The following LAMC1 variants were observed in gnomAD, a reference collection of about 807,000 sequenced individuals.
LAMC1 encodes laminin subunit gamma 1.
A neutral mutation model predicts 173.6 loss-of-function variants in LAMC1; 38 were observed. The ratio of observed to expected loss-of-function variants is 0.22; its 90% CI spans 0.17 to 0.29. The LOEUF (loss-of-function observed/expected upper bound fraction) is 0.29. LAMC1 is among the 10% of genes least tolerant of loss of function. The pLI, the probability that LAMC1 is intolerant of heterozygous loss-of-function variation, is 1.00. For missense variants in LAMC1, 1,824 were observed against 2,051.8 expected, an observed-to-expected ratio of 0.89 and a Z score of 2.14; for synonymous variants, 746 against 749.1, an observed-to-expected ratio of 1.00 and a Z score of 0.07.
chr1:183,048,747 G>T (rs1258893129), intron 1 of LAMC1, among the ~76,000 whole-genome samples: 1 of 152,088 alleles, frequency 6.6e-6, no homozygotes, highest in African/African-American at 2.4e-5. Flanking sequence ...TATAGTATTG[G>T]GGACATGAGT....
intron 3 of LAMC1, 92 bp from the exon 4 acceptor site, chr1:183,110,396 A>G: frequency 1.0e-6 from 1 of 996,414 alleles, no homozygotes; most frequent in Non-Finnish European, 1.5e-6. Flanking sequence ...TTTGAATGGT[A>G]AAACTTACTT....
chr1:183,023,450 T>G lies in LAMC1; in HGVS notation c.-267T>G. 2 of 176,778 alleles carry G rather than the reference T, an allele frequency of 1.1e-5. No individual in the cohort carries two copies. Among genetic ancestry groups the G allele is most frequent in the East Asian group, 1.6e-4 (1 of 6,286 alleles). 11.0% of individuals were successfully genotyped at this position (176,778 alleles called of 1,614,324 possible). ...CGGGCACGCGCTCGGAAGTCGGGGG[T>G]CGGCGCGGAGTGCAGGCTGCTCCCG... On this transcript the variant is annotated 5_prime_UTR_variant, in exon 1 of 28. Transcript: ENST00000258341.
At chr1:183,070,064 GA>G (rs1654975701) in intron 1 of LAMC1, among the ~76,000 whole-genome samples, 1 of 152,234 alleles carries the variant, frequency 6.6e-6, no homozygotes, top group Non-Finnish European at 1.5e-5. Flanking sequence ...ACAGATGAAT[GA>G]ATGGGCTAGA....
intron 1 of LAMC1, among the ~76,000 whole-genome samples, chr1:183,053,941 T>C (rs570994477): frequency 1.3e-5 from 2 of 152,256 alleles, no homozygotes; most frequent in South Asian, 2.1e-4. Context: ...TAGGTTTTAT[T>C]ATTGGGAAAA....
At chr1:183,045,482 TG>T (rs1654244179) in intron 1 of LAMC1, among the ~76,000 whole-genome samples, 1 of 152,206 alleles carries the variant, frequency 6.6e-6, no homozygotes, top group African/African-American at 2.4e-5. Context: ...ACTTGCCAAT[TG>T]AAAAAAAAGT....
At chr1:183,130,585 G>T (rs1656757688) in intron 19 of LAMC1, 36 bp downstream of exon 19, 1 of 1,564,518 alleles carries the variant, frequency 6.4e-7, no homozygotes, top group South Asian at 1.1e-5. Context: ...GGGGATGGGG[G>T]AGGCCCCTGG....
chr1:183,135,718 T>C (rs1167233919), intron 24 of LAMC1, among the ~76,000 whole-genome samples: 13 of 150,288 alleles, frequency 8.7e-5, no homozygotes, highest in Admixed American at 7.3e-4. Flanking sequence ...CCCATCTCTA[T>C]AAAAAAAAAT....
At chr1:183,060,899 G>A (rs1400474395) in intron 1 of LAMC1, among the ~76,000 whole-genome samples, 1 of 152,224 alleles carries the variant, frequency 6.6e-6, no homozygotes, top group Admixed American at 6.5e-5. Flanking sequence ...GTAAAATAGA[G>A]ATAGGAAGAT....
chr1:183,048,044 C>A (rs1654311882), intron 1 of LAMC1, among the ~76,000 whole-genome samples: 1 of 152,174 alleles, frequency 6.6e-6, no homozygotes, highest in African/African-American at 2.4e-5. Context: ...GTAAATCAGT[C>A]TGCTTTTCTA....
chr1:183,056,330 G>A (rs1376994754), intron 1 of LAMC1, among the ~76,000 whole-genome samples: 3 of 152,294 alleles, frequency 2.0e-5, no homozygotes, highest in South Asian at 2.1e-4. Flanking sequence ...CCCCATGGTC[G>A]ATCCACCCTC....
chr1:183,053,827 T>C (rs1026637111), intron 1 of LAMC1, among the ~76,000 whole-genome samples: 7 of 152,284 alleles, frequency 4.6e-5, no homozygotes, highest in African/African-American at 1.7e-4. Flanking sequence ...GGTTTTACCA[T>C]GTTGCCCAGG....
chr1:183,039,627 C>G (rs184001588), intron 1 of LAMC1, among the ~76,000 whole-genome samples: 1 of 152,134 alleles, frequency 6.6e-6, no homozygotes, highest in South Asian at 2.1e-4. Context: ...GCATCAACTC[C>G]TGGGTAGACT....
At chr1:183,112,298 C>T (rs1235582568) in intron 4 of LAMC1, among the ~76,000 whole-genome samples, 2 of 152,176 alleles carry the variant, frequency 1.3e-5, no homozygotes, top group Non-Finnish European at 2.9e-5. Context: ...GAATGAAATA[C>T]TCCTAATATG....
chr1:183,117,892 A>G, intron 10 of LAMC1, 142 bp from the exon 11 acceptor site: 2 of 739,724 alleles, frequency 2.7e-6, no homozygotes, highest in Non-Finnish European at 4.5e-6. Context: ...TTCCAATTGT[A>G]CTACCAAACC....
At chr1:183,135,321 G>A (rs1656907432) in intron 24 of LAMC1, among the ~76,000 whole-genome samples, 165 bp downstream of exon 24, 2 of 152,008 alleles carry the variant, frequency 1.3e-5, no homozygotes, top group Non-Finnish European at 1.5e-5. Flanking sequence ...TTTTATCCCT[G>A]CATACTTCAG....
chr1:183,043,807 A>G (rs1434061173), intron 1 of LAMC1, among the ~76,000 whole-genome samples: 2 of 152,194 alleles, frequency 1.3e-5, no homozygotes, highest in African/African-American at 2.4e-5. Flanking sequence ...TAGAAAGGCA[A>G]TGTCATTTTT....
chr1:183,135,611 C>A (rs72729468), intron 24 of LAMC1, among the ~76,000 whole-genome samples: 31,077 of 151,912 alleles, frequency 0.2, 4,195 homozygotes, highest in Middle Eastern at 0.31. Context: ...AAAATATGGG[C>A]CAGGCACGGT....
At chr1:183,086,233 G>A (rs774463460) in intron 1 of LAMC1, among the ~76,000 whole-genome samples, 59 of 152,220 alleles carry the variant, frequency 3.9e-4, no homozygotes, top group African/African-American at 1.4e-3. Context: ...GCAGCAATGT[G>A]CTTATATGGC....
chr1:183,103,168 G>A (rs1268082553), intron 1 of LAMC1, among the ~76,000 whole-genome samples, 160 bp from the exon 2 acceptor site: 1 of 152,198 alleles, frequency 6.6e-6, no homozygotes, highest in African/African-American at 2.4e-5. Context: ...CATTTTGGGG[G>A]AAAATACGTA....
Sources: gnomAD v4.1 joint callset for allele counts (sites outside exome capture counted in the v4.1 genomes callset) on GRCh38, gnomAD v4.1.1 for gene constraint, MANE v1.5 for transcripts, NCBI Gene and HGNC (gene_info 2026-07-23, HGNC 2026-07-21) for gene names.